The following MAGI2 variants were observed in gnomAD, a reference collection of about 807,000 sequenced individuals.
MAGI2 encodes membrane-associated guanylate kinase, WW and PDZ domain-containing protein 2.
In MAGI2, 35 loss-of-function variants were observed where a neutral mutation model predicts 133.3. That is an observed-to-expected ratio of 0.26 (90% CI 0.20 to 0.35). The LOEUF (loss-of-function observed/expected upper bound fraction) is 0.35. Ranked by LOEUF, MAGI2 falls within the 10% of genes least tolerant of loss-of-function variation. MAGI2 has a pLI of 1.00. For missense variants in MAGI2, 1,636 were observed against 1,863.4 expected, an observed-to-expected ratio of 0.88 and a Z score of 2.25; for synonymous variants, 729 against 710.6, an observed-to-expected ratio of 1.03 and a Z score of -0.41.
At chr7:78,964,251 G>A (rs1428724456) in intron 2 of MAGI2, among the ~76,000 whole-genome samples, 2 of 151,094 alleles carry the variant, frequency 1.3e-5, no homozygotes, top group African/African-American at 4.9e-5. Flanking sequence ...TTTGAATTTT[G>A]CAGATTTTCT....
At chr7:79,243,802 T>C (rs943705571) in intron 1 of MAGI2, among the ~76,000 whole-genome samples, 2 of 152,184 alleles carry the variant, frequency 1.3e-5, no homozygotes, top group Admixed American at 1.3e-4. Flanking sequence ...AAATAATGAA[T>C]ACTCGTCAAA....
intron 7 of MAGI2, among the ~76,000 whole-genome samples, chr7:78,362,683 C>A (rs1463408944): frequency 6.6e-6 from 1 of 152,182 alleles, no homozygotes; most frequent in Non-Finnish European, 1.5e-5. Flanking sequence ...AAAAAACTAG[C>A]TCTAGTTCAG....
intron 3 of MAGI2, among the ~76,000 whole-genome samples, chr7:78,574,531 C>T (rs965925024): frequency 2.0e-5 from 3 of 152,160 alleles, no homozygotes; most frequent in Admixed American, 1.3e-4. Context: ...ATACAATTGC[C>T]ACTGATAAGG....
intron 4 of MAGI2, among the ~76,000 whole-genome samples, chr7:78,506,354 G>T (rs1364488800): frequency 6.6e-6 from 1 of 152,030 alleles, no homozygotes; most frequent in South Asian, 2.1e-4. Context: ...TCATGGAGAC[G>T]TCAAGTCAGA....
intron 1 of MAGI2, among the ~76,000 whole-genome samples, chr7:79,009,710 T>C (rs971449927): frequency 6.6e-6 from 1 of 152,130 alleles, no homozygotes; most frequent in Non-Finnish European, 1.5e-5. Flanking sequence ...CCCTTGCAGC[T>C]TCTAGCAGCT....
intron 6 of MAGI2, among the ~76,000 whole-genome samples, chr7:78,432,714 A>G (rs909447799): frequency 6.6e-6 from 1 of 152,044 alleles, no homozygotes; most frequent in East Asian, 1.9e-4. Flanking sequence ...TTTCTTGTAT[A>G]GTTTATCGAC....
chr7:78,345,890 T>C (rs1179069325), intron 8 of MAGI2, 32 bp downstream of exon 8: 1 of 1,607,478 alleles, frequency 6.2e-7, no homozygotes, highest in Non-Finnish European at 8.5e-7. Flanking sequence ...CAATTTTCCC[T>C]TTGAAACATC....
At chr7:78,841,357 G>C (rs1792127650) in intron 2 of MAGI2, among the ~76,000 whole-genome samples, 1 of 152,008 alleles carries the variant, frequency 6.6e-6, no homozygotes. Context: ...CACTTGCCTT[G>C]GAACTTCCTC....
At position 78,724,456 on chromosome 7, in the gene MAGI2, C is replaced by A. The variant is rs565082637; in HGVS notation, c.419-97217G>T. Among the ~76,000 whole-genome samples the A allele has an allele frequency of 5.3e-5, 8 of 152,200 alleles. 1 individual carries two copies. The South Asian group carries it at 1.5e-3, about 28-fold the overall frequency. ...AAGCAAGGAGCAGAAGCTTTCAAGT[C>A]GAGTGCACAGTCATTTTAAAAATGA... On this transcript the variant is annotated intron_variant, in intron 2 of 21. Transcript: ENST00000354212.
intron 1 of MAGI2, among the ~76,000 whole-genome samples, chr7:79,050,006 G>A (rs1463623395): frequency 6.6e-6 from 1 of 152,118 alleles, no homozygotes; most frequent in Non-Finnish European, 1.5e-5. Flanking sequence ...TGTTACTCAG[G>A]GAGCCTCATT....
chr7:78,722,577 A>G (rs1820368955), intron 2 of MAGI2, among the ~76,000 whole-genome samples: 1 of 152,092 alleles, frequency 6.6e-6, no homozygotes, highest in Non-Finnish European at 1.5e-5. Flanking sequence ...AAATCTCATC[A>G]TCAAAAAAGC....
intron 9 of MAGI2, among the ~76,000 whole-genome samples, chr7:78,318,370 A>G (rs899991671): frequency 5.3e-5 from 8 of 152,228 alleles, no homozygotes; most frequent in African/African-American, 1.7e-4. Context: ...AAGAAAGGAT[A>G]TCAGAGATTG....
At chr7:78,183,550 C>A (rs1306901530) in intron 13 of MAGI2, among the ~76,000 whole-genome samples, 3 of 151,992 alleles carry the variant, frequency 2.0e-5, no homozygotes, top group African/African-American at 7.3e-5. Context: ...AGGCATGCAC[C>A]ACCGCAATCG....
At chr7:79,051,349 T>A (rs1356286815) in intron 1 of MAGI2, among the ~76,000 whole-genome samples, 2 of 152,172 alleles carry the variant, frequency 1.3e-5, no homozygotes, top group Non-Finnish European at 2.9e-5. Flanking sequence ...GAGCAATAAA[T>A]CCCAACTTGT....
At position 78,133,201 on chromosome 7, in the gene MAGI2, G is replaced by A. The variant is rs1463421627; in HGVS notation, c.3032-141C>T. 4.7e-6 allele frequency: 3 copies of A among 637,124 alleles called. No individual in the cohort carries two copies. In the African/African-American group the frequency reaches 5.6e-5, roughly 12 times the overall value. 39.5% of individuals were successfully genotyped at this position (637,124 alleles called of 1,614,324 possible). ...TTTCTGCTAGGTTTTTAGATAGCAG[G>A]TTAATCTTATCAAGTTCTAATACCA... is the stretch of plus-strand genomic sequence containing the variant. On this transcript the variant is annotated intron_variant, in intron 17 of 21. Transcript: ENST00000354212.
intron 1 of MAGI2, among the ~76,000 whole-genome samples, chr7:79,146,966 G>A (rs1822699468): frequency 6.6e-6 from 1 of 152,182 alleles, no homozygotes; most frequent in Non-Finnish European, 1.5e-5. Context: ...CGAAGCAAGA[G>A]TCTCTTCTAG....
chr7:78,093,854 C>T (rs188270642), intron 20 of MAGI2, among the ~76,000 whole-genome samples: 4 of 151,986 alleles, frequency 2.6e-5, no homozygotes, highest in Non-Finnish European at 5.9e-5. Context: ...AAAAATGGAC[C>T]CTTCATAATA....
At chr7:78,374,587 T>C (rs1421141441) in intron 6 of MAGI2, among the ~76,000 whole-genome samples, 2 of 152,128 alleles carry the variant, frequency 1.3e-5, no homozygotes, top group Non-Finnish European at 2.9e-5. Flanking sequence ...ATTTTTGTTT[T>C]TGTTGCAATT....
At chr7:78,841,416 C>G (rs926236099) in intron 2 of MAGI2, among the ~76,000 whole-genome samples, 3 of 152,160 alleles carry the variant, frequency 2.0e-5, no homozygotes, top group Non-Finnish European at 4.4e-5. Flanking sequence ...CTTTTCCTCA[C>G]TCTTTGCTGG....
Sources: gnomAD v4.1 joint callset for allele counts (sites outside exome capture counted in the v4.1 genomes callset) on GRCh38, gnomAD v4.1.1 for gene constraint, MANE v1.5 for transcripts, NCBI Gene and HGNC (gene_info 2026-07-23, HGNC 2026-07-21) for gene names.